FBLN1: variants seen among roughly 807,000 people sequenced by gnomAD.
The protein encoded by FBLN1 is fibulin 1.
In FBLN1, 34 loss-of-function variants were observed where a neutral mutation model predicts 89.7. That is an observed-to-expected ratio of 0.38 (90% CI 0.29 to 0.50). The LOEUF (loss-of-function observed/expected upper bound fraction) is 0.50. Among genes scored for constraint, FBLN1 ranks in the 20% least tolerant of loss-of-function variants. FBLN1 has a pLI of 0.92. For missense variants in FBLN1, 777 were observed against 988.1 expected (o/e 0.79, Z 2.86); for synonymous variants, 393 against 391.3 (o/e 1.00, Z -0.05).
chr22:45,598,332 A>G (rs1254791111), intron 16 of FBLN1, among the ~76,000 whole-genome samples: 2 of 152,238 alleles, frequency 1.3e-5, no homozygotes, highest in Non-Finnish European at 2.9e-5. Context: ...GGCCGATGGT[A>G]CGACCAGAGA....
intron 14 of FBLN1, among the ~76,000 whole-genome samples, chr22:45,553,556 G>A (rs1261754085): frequency 6.6e-6 from 1 of 152,242 alleles, no homozygotes; most frequent in Non-Finnish European, 1.5e-5. Flanking sequence ...TTTGAGTAGA[G>A]CGAAGTACGA....
intron 16 of FBLN1, among the ~76,000 whole-genome samples, chr22:45,587,255 T>C (rs2089095313): frequency 6.7e-6 from 1 of 149,416 alleles, no homozygotes; most frequent in Non-Finnish European, 1.5e-5. Flanking sequence ...TTCACATCCA[T>C]CCCCGCTGCC....
rs1418085826 is a variant in FBLN1, at chr22:45,537,032, C to T, written c.922+1695C>T. 6.6e-6 allele frequency among the ~76,000 whole-genome samples: 1 copy of T among 152,186 alleles called. No individual in the cohort carries two copies. Among genetic ancestry groups the T allele is most frequent in the Non-Finnish European group, 1.5e-5 (1 of 68,036 alleles). ...GCGCTTAAGTCCTGATCCACCGGCT[C>T]TCCCTCGGCCTCTGCTTGGCAGACG... On this transcript the variant is annotated intron_variant, in intron 8 of 16. Coordinates refer to ENST00000327858, the MANE Select transcript of FBLN1 (RefSeq NM_006486.3). The surrounding 1 kb of genome is among the most constrained non-coding windows in gnomAD (Gnocchi z 5.7).
At chr22:45,514,651 C>T (rs148407504) in intron 1 of FBLN1, among the ~76,000 whole-genome samples, 1 of 152,186 alleles carries the variant, frequency 6.6e-6, no homozygotes, top group Admixed American at 6.5e-5. Context: ...GCCCCAGCAG[C>T]CTTTGCATGT....
rs992212683 is a variant in FBLN1, at chr22:45,591,940, A to G, written c.1973-8367A>G. 1.9e-3 allele frequency among the ~76,000 whole-genome samples: 246 copies of G among 132,818 alleles called. 12 individuals carry two copies. Among genetic ancestry groups the G allele is most frequent in the African/African-American group, 6.3e-3 (231 of 36,784 alleles). 87.1% of individuals were successfully genotyped at this position (132,818 alleles called of 152,430 possible). ...GGAGGGAGGAAGTGTCCTGCGCGCC[A>G]TTTTGCAGACAGGAGGGAGGAAGTG... On this transcript the variant is annotated intron_variant, in intron 16 of 16. Transcript: ENST00000327858.
chr22:45,520,389 C>T (rs967213557), intron 2 of FBLN1, among the ~76,000 whole-genome samples: 5 of 152,282 alleles, frequency 3.3e-5, no homozygotes, highest in African/African-American at 1.2e-4. Context: ...TGTAGATGCC[C>T]TCTTCTCCCT....
At position 45,583,015 on chromosome 22, in the gene FBLN1, C is replaced by T. The variant is rs527956969; in HGVS notation, c.1972+5907C>T. On this transcript the variant is annotated intron_variant, in intron 16 of 16. Transcript: ENST00000327858. This position sits in a 1 kb window ranked among gnomAD's most constrained non-coding sequence, Gnocchi z 4.5. ...TGGAATCACCTGGTGCCTCCCTGTACGTCCACCCACCCTGTGCCCAGATCC... is the reference window on the plus strand; with the variant it reads ...TGGAATCACCTGGTGCCTCCCTGTATGTCCACCCACCCTGTGCCCAGATCC... Among the ~76,000 whole-genome samples the T allele has an allele frequency of 7.2e-5, 11 of 152,308 alleles. No individual in the cohort carries two copies. The highest frequency in any genetic ancestry group is 2.6e-4 in the Admixed American group (4 of 15,302).
At chr22:45,533,010 C>T (rs765403138) in intron 5 of FBLN1, 53 bp from the exon 6 acceptor site, 62 of 1,534,464 alleles carry the variant, frequency 4.0e-5, no homozygotes, top group Non-Finnish European at 5.1e-5. Context: ...GAGCTAGAAA[C>T]CAGGCGGTGC....
At chr22:45,528,965 C>G (rs528776693) in intron 4 of FBLN1, among the ~76,000 whole-genome samples, 2 of 152,180 alleles carry the variant, frequency 1.3e-5, no homozygotes, top group Non-Finnish European at 2.9e-5. Context: ...AGTTGCAGTC[C>G]TACTTCATCA....
chr22:45,553,925 G>A (rs951801111), intron 14 of FBLN1, among the ~76,000 whole-genome samples: 1 of 152,230 alleles, frequency 6.6e-6, no homozygotes, highest in Non-Finnish European at 1.5e-5. Flanking sequence ...CCACCAGGGC[G>A]ACTCTAGCGC....
At position 45,545,352 on chromosome 22, in the gene FBLN1, A is replaced by G. The variant is rs958197406; in HGVS notation, c.1322-1733A>G. On this transcript the variant is annotated intron_variant, in intron 11 of 16. Transcript: ENST00000327858. This position sits in a 1 kb window ranked among gnomAD's most constrained non-coding sequence, Gnocchi z 5.9. ...AACCCCATAGGGGGTTGTGAGGATG[A>G]AACGAGATTAAGCATGTGAAGAGCT... Among the ~76,000 whole-genome samples the G allele has an allele frequency of 6.6e-6, 1 of 152,188 alleles. No individual in the cohort carries two copies. Among genetic ancestry groups the G allele is most frequent in the African/African-American group, 2.4e-5 (1 of 41,450 alleles).
rs2089001643 is a variant in FBLN1 at position 45,576,873 on chromosome 22, T to A, written c.1841-104T>A. ...TTGATGTTGTCTCATGAAAGGGCCC[T>A]GGGTTAGGTCTTCATTCCCCAAGGG... On this transcript the variant is annotated intron_variant, in intron 15 of 16. Transcript: ENST00000327858. The surrounding 1 kb of genome is among the most constrained non-coding windows in gnomAD (Gnocchi z 5.2). 7.1e-7 allele frequency: 1 copy of A among 1,412,484 alleles called. No homozygotes were observed. The highest frequency in any genetic ancestry group is 1.8e-5 in the Admixed American group (1 of 55,178). The allele number at this position is 1,412,484 out of a possible 1,614,324, so 87.5% of individuals were successfully genotyped here.
At chr22:45,599,688 C>T (rs2089214846) in intron 16 of FBLN1, among the ~76,000 whole-genome samples, 3 of 152,180 alleles carry the variant, frequency 2.0e-5, no homozygotes, top group South Asian at 4.2e-4. Context: ...GAGGCCAAAG[C>T]GGGTGGATCA....
chr22:45,517,430 A>T, intron 1 of FBLN1: 1 of 394,868 alleles, frequency 2.5e-6, no homozygotes, highest in Non-Finnish European at 5.1e-6. Context: ...CCGTGAGCTG[A>T]GGGGCTGGGA....
intron 10 of FBLN1, among the ~76,000 whole-genome samples, chr22:45,542,863 CAGA>C (rs1199774285): frequency 6.6e-6 from 1 of 152,250 alleles, no homozygotes; most frequent in East Asian, 1.9e-4. Flanking sequence ...TGTGCTGCCG[CAGA>C]AGGAGCACGA....
Position 45,541,965 on chromosome 22 carries a change from G to A in FBLN1, c.1067-190G>A, listed in dbSNP as rs543464971. 8.5e-5 allele frequency among the ~76,000 whole-genome samples: 13 copies of A among 152,308 alleles called. No homozygotes were observed. The South Asian group carries it at 2.1e-3, about 24-fold the overall frequency. On this transcript the variant is annotated intron_variant, in intron 9 of 16. Transcript: ENST00000327858. ...CATTGCTGGCCTGCCAGCCAGGTAGGGCTGCCTCTGGGTCAGCTATCTTCC... is the reference window on the plus strand; with the variant it reads ...CATTGCTGGCCTGCCAGCCAGGTAGAGCTGCCTCTGGGTCAGCTATCTTCC...
At position 45,517,667 on chromosome 22, in the gene FBLN1, G is replaced by A. The variant is rs371720452; in HGVS notation, c.80-1015G>A. On this transcript the variant is annotated intron_variant, in intron 1 of 16. Coordinates refer to ENST00000327858, the MANE Select transcript of FBLN1 (RefSeq NM_006486.3). ...CCTGTCCTCACCAGACTTCTCACAG[G>A]TCCCCGTTTCTGTGGAAGAGGGGAT... The A allele has an allele frequency of 2.0e-4, 93 of 469,108 alleles. 1 individual carries two copies. The East Asian group carries it at 4.5e-3, about 23-fold the overall frequency. 29.1% of individuals were successfully genotyped at this position (469,108 alleles called of 1,614,324 possible).
intron 16 of FBLN1, among the ~76,000 whole-genome samples, chr22:45,594,043 T>G (rs1049530044): frequency 3.3e-5 from 5 of 152,196 alleles, no homozygotes; most frequent in African/African-American, 1.2e-4. Flanking sequence ...CTGTGAAGAC[T>G]TCTATGAAGC....
chr22:45,585,925 T>C (rs905361481), intron 16 of FBLN1, among the ~76,000 whole-genome samples: 1 of 152,002 alleles, frequency 6.6e-6, no homozygotes, highest in Non-Finnish European at 1.5e-5. Context: ...CAGCCCCCAA[T>C]TCCCCAGATA....
Sources: gnomAD v4.1 joint callset for allele counts (sites outside exome capture counted in the v4.1 genomes callset) on GRCh38, gnomAD v4.1.1 for gene constraint, Gnocchi (gnomAD v3.1) non-coding constraint, MANE v1.5 for transcripts, NCBI Gene and HGNC (gene_info 2026-07-23, HGNC 2026-07-21) for gene names.